The following KCTD2 variants were observed in gnomAD, a reference collection of about 807,000 sequenced individuals.
KCTD2 encodes BTB/POZ domain-containing protein KCTD2.
In KCTD2, 18 loss-of-function variants were observed where a neutral mutation model predicts 27.9. The observed-to-expected ratio is 0.64, with a 90% CI of 0.45 to 0.96. The LOEUF is 0.96. KCTD2 is among the 40% of genes least tolerant of loss of function. KCTD2 has a pLI of 0.00. For missense variants in KCTD2, 280 were observed against 348.0 expected (o/e 0.80, Z 1.56); for synonymous variants, 175 against 148.4 (o/e 1.18, Z -1.30).
intron 3 of KCTD2, among the ~76,000 whole-genome samples, chr17:75,036,719 T>C (rs185069551): frequency 4.6e-5 from 7 of 152,236 alleles, no homozygotes; most frequent in Non-Finnish European, 7.3e-5. Context: ...CCCTGCGCTT[T>C]CACTTGGCTG....
chr17:75,060,383 A>G (rs1265189625), intron 4 of KCTD2: 10 of 1,460,560 alleles, frequency 6.8e-6, no homozygotes, highest in East Asian at 2.4e-5. Context: ...TTCACATTCA[A>G]GTGATCCTCT....
rs748883449 is a variant in KCTD2 at position 75,047,597 on chromosome 17, C to T, written c.339+8C>T. On this transcript the variant is annotated splice_region_variant and intron_variant, in intron 1 of 5. Coordinates refer to ENST00000322444, the MANE Select transcript of KCTD2 (RefSeq NM_015353.3). The stretch of plus-strand genomic sequence containing the variant: ...GAGCTGGACTCAGACAAGGTGTGCC[C>T]CGCCCTCGGGCGCGCCCCCGGGCCT... 1.2e-6 allele frequency: 2 copies of T among 1,605,552 alleles called. No individual in the cohort carries two copies. Among genetic ancestry groups the T allele is most frequent in the South Asian group, 1.1e-5 (1 of 90,654 alleles).
At chr17:75,062,743 C>CACACACAG (rs1325191013) in intron 5 of KCTD2, among the ~76,000 whole-genome samples, 6 of 146,096 alleles carry the variant, frequency 4.1e-5, no homozygotes, top group African/African-American at 1.6e-4. Flanking sequence ...CACACACACA[C>CACACACAG]AGCTTCTAAA....
At chr17:75,048,323 C>T (rs1233022972) in intron 1 of KCTD2, among the ~76,000 whole-genome samples, 1 of 152,102 alleles carries the variant, frequency 6.6e-6, no homozygotes, top group Middle Eastern at 3.2e-3. Flanking sequence ...TGAACTGTGT[C>T]AATTTCTTTT....
intron 4 of KCTD2, among the ~76,000 whole-genome samples, chr17:75,061,149 C>T (rs146924898): frequency 2.3e-3 from 347 of 152,274 alleles, no homozygotes; most frequent in African/African-American, 8.1e-3. Flanking sequence ...GAGGGTGTTC[C>T]TATTGCCTCC....
chr17:75,038,952 G>A (rs1444815336), intron 3 of KCTD2: 1 of 1,613,678 alleles, frequency 6.2e-7, no homozygotes, highest in Non-Finnish European at 8.5e-7. Flanking sequence ...TCAATTGGTT[G>A]GTGAGGCCAA....
At chr17:75,050,188 T>A (rs2073270070) in intron 2 of KCTD2, among the ~76,000 whole-genome samples, 1 of 152,206 alleles carries the variant, frequency 6.6e-6, no homozygotes, top group South Asian at 2.1e-4. Flanking sequence ...CTTCAACAAT[T>A]ACCAACTCAT....
At chr17:75,062,461 G>A (rs141984042) in intron 5 of KCTD2, among the ~76,000 whole-genome samples, 1 of 152,030 alleles carries the variant, frequency 6.6e-6, no homozygotes, top group Non-Finnish European at 1.5e-5. Flanking sequence ...ACCTAAAAAG[G>A]GTAGACTTTC....
Position 75,063,256 on chromosome 17 carries a change from C to T in KCTD2, c.*209C>T. 1.7e-6 allele frequency: 1 copy of T among 604,240 alleles called. No individual in the cohort carries two copies. The highest frequency in any genetic ancestry group is 2.9e-6 in the Non-Finnish European group (1 of 339,922). 37.4% of individuals were successfully genotyped at this position (604,240 alleles called of 1,614,324 possible). A position where few individuals can be genotyped will look rare whatever the true frequency, so the allele number is the denominator to read the frequency against. On this transcript the variant is annotated 3_prime_UTR_variant, in exon 6 of 6. Coordinates refer to ENST00000322444, the MANE Select transcript of KCTD2 (RefSeq NM_015353.3). Reference sequence around the variant, plus strand: ...AGTGCGACTTCTGGCTGCAGAATACCTTTTCAGAAACCTGCTTTCATTTGC... The same window carrying T: ...AGTGCGACTTCTGGCTGCAGAATACTTTTTCAGAAACCTGCTTTCATTTGC...
chr17:75,033,480 CA>C (rs751508407), intron 1 of KCTD2, among the ~76,000 whole-genome samples: 2 of 152,138 alleles, frequency 1.3e-5, no homozygotes, highest in African/African-American at 2.4e-5. Flanking sequence ...GCAAGATTTT[CA>C]GTGTTTATGT....
intron 4 of KCTD2, among the ~76,000 whole-genome samples, chr17:75,061,720 C>G (rs533949288): frequency 6.6e-6 from 1 of 152,166 alleles, no homozygotes; most frequent in Non-Finnish European, 1.5e-5. Flanking sequence ...TTTCCAGAGC[C>G]TCCTGTCCCC....
chr17:75,038,699 C>G lies in KCTD2; in HGVS notation c.-259+3342C>G, dbSNP rs577701642. On this transcript the variant is annotated intron_variant, in intron 3 of 7. Transcript: ENST00000581589. ...TGTTATTTGTTGCCATTTCAGCAGTCCTGGGGCCTCAGTAAGTGGCGCCTA... is the reference window on the plus strand; with the variant it reads ...TGTTATTTGTTGCCATTTCAGCAGTGCTGGGGCCTCAGTAAGTGGCGCCTA... Among the ~76,000 whole-genome samples the G allele has an allele frequency of 7.4e-4, 113 of 152,252 alleles. 1 individual carries two copies. The highest frequency in any genetic ancestry group is 2.5e-3 in the African/African-American group (103 of 41,560).
upstream of KCTD2, among the ~76,000 whole-genome samples, chr17:75,044,861 C>CAA (rs934445667): frequency 1.1e-4 from 16 of 152,298 alleles, no homozygotes; most frequent in African/African-American, 3.9e-4. Flanking sequence ...AGAAAGTTGT[C>CAA]AAACACCTGT....
At chr17:75,043,178 A>G (rs758154364), upstream of KCTD2, among the ~76,000 whole-genome samples, 1 of 152,220 alleles carries the variant, frequency 6.6e-6, no homozygotes, top group Non-Finnish European at 1.5e-5. Flanking sequence ...CTGAGATGGC[A>G]TCAGTGCACC....
intron 2 of KCTD2, chr17:75,035,108 C>G (rs750193573): frequency 3.9e-5 from 6 of 152,186 alleles, no homozygotes; most frequent in East Asian, 2.0e-4. Flanking sequence ...GTAGCTGCAG[C>G]CGGAGACCGC....
intron 2 of KCTD2, chr17:75,035,121 G>A (rs1464276705): frequency 6.6e-6 from 1 of 152,202 alleles, no homozygotes; most frequent in Non-Finnish European, 1.5e-5. Flanking sequence ...GAGACCGCGT[G>A]GCCTAATGGA....
intron 4 of KCTD2, chr17:75,060,593 G>T: frequency 1.2e-6 from 2 of 1,608,766 alleles, no homozygotes; most frequent in Non-Finnish European, 8.5e-7. Flanking sequence ...GGCCGGCGCC[G>T]GCCTCCCCGC....
rs540762870 is a variant in KCTD2, at chr17:75,064,408, T to G, written c.*1361T>G. The G allele has an allele frequency of 1.1e-3, 160 of 152,368 alleles. No individual in the cohort carries two copies. The highest frequency in any genetic ancestry group is 3.6e-3 in the African/African-American group (150 of 41,576). The allele number at this position is 152,368 out of a possible 1,614,324, so 9.4% of individuals were successfully genotyped here. ...GGGGACTTCTCCTTCTATGAAAGCC[T>G]CCTCGAGCCAGGTGCTCCTGGGCAC... On this transcript the variant is annotated 3_prime_UTR_variant, in exon 6 of 6. Transcript: ENST00000322444.
At chr17:75,051,777 A>G (rs1385952481) in intron 2 of KCTD2, among the ~76,000 whole-genome samples, 1 of 152,180 alleles carries the variant, frequency 6.6e-6, no homozygotes, top group African/African-American at 2.4e-5. Context: ...CAGTACAGTT[A>G]TCAAACTCAG....
Sources: allele counts gnomAD v4.1 joint callset (sites outside exome capture counted in the v4.1 genomes callset), GRCh38; gene constraint gnomAD v4.1.1; transcripts MANE v1.5; gene names NCBI Gene and HGNC (gene_info 2026-07-23, HGNC 2026-07-21).